Variants in TNS1 observed in about 807,000 individuals in gnomAD.
TNS1 encodes the protein tensin 1.
In TNS1, 62 loss-of-function variants were observed where a neutral mutation model predicts 168.6. The ratio of observed to expected loss-of-function variants is 0.37; its 90% CI spans 0.30 to 0.45. The LOEUF (loss-of-function observed/expected upper bound fraction) is 0.45. TNS1 is among the 20% of genes least tolerant of loss of function. The pLI is 1.00. For missense variants in TNS1, 2,240 were observed against 2,339.4 expected (o/e 0.96, Z 0.88); for synonymous variants, 934 against 933.2 (o/e 1.00, Z -0.02).
intron 2 of TNS1, among the ~76,000 whole-genome samples, chr2:217,988,308 C>T (rs1958253555): frequency 6.6e-6 from 1 of 152,210 alleles, no homozygotes; most frequent in Admixed American, 6.5e-5. Flanking sequence ...GCCTTCTGTT[C>T]ACATGGGGTC....
intron 19 of TNS1, among the ~76,000 whole-genome samples, chr2:217,837,210 G>A (rs756208512): frequency 2.6e-5 from 4 of 152,162 alleles, no homozygotes; most frequent in Non-Finnish European, 2.9e-5. Flanking sequence ...GGGTCAGCGT[G>A]TGTGCACACA....
intron 3 of TNS1, among the ~76,000 whole-genome samples, chr2:217,934,030 CCAACAAGAGATT>C (rs2125913916): frequency 6.6e-6 from 1 of 152,302 alleles, no homozygotes; most frequent in East Asian, 1.9e-4. Flanking sequence ...TTTAATCCTT[CCAACAAGAGATT>C]CAACAAGCAG....
At position 217,803,495 on chromosome 2, in the gene TNS1, A is replaced by G. The variant is rs1937801826; in HGVS notation, c.*964T>C. 1 of 152,574 alleles carries G rather than the reference A, an allele frequency of 6.6e-6. No homozygotes were observed. Among genetic ancestry groups the G allele is most frequent in the African/African-American group, 2.4e-5 (1 of 41,458 alleles). 9.5% of individuals were successfully genotyped at this position (152,574 alleles called of 1,614,324 possible). A position where few individuals can be genotyped will look rare whatever the true frequency, so the allele number is the denominator to read the frequency against. On this transcript the variant is annotated 3_prime_UTR_variant, in exon 33 of 33. Transcript: ENST00000682258. ...CCTTGGGGAAGACACCCCGAGCTCAACAGCTGCCTGTTCTGACAGATCTCT... is the reference window on the plus strand; with the variant it reads ...CCTTGGGGAAGACACCCCGAGCTCAGCAGCTGCCTGTTCTGACAGATCTCT...
chr2:217,818,392 G>A lies in TNS1; in HGVS notation c.3940C>T (p.Pro1314Ser). The A allele has an allele frequency of 2.5e-6, 4 of 1,614,172 alleles. No individual in the cohort carries two copies. The highest frequency in any genetic ancestry group is 3.4e-6 in the Non-Finnish European group (4 of 1,180,030). The change falls in exon 24 of 33, where the codon CCC becomes TCC. Residue 1314 changes from proline (P) to serine (S), a missense_variant. Pro to Ser is a moderately conservative substitution (Grantham distance 74, BLOSUM62 -1). Transcript: ENST00000682258. ...ATCATCTGGTGATGGCTCAAACTGG[G>A]ACTGCTGGGGGCAGCCATGCTGGGA... Reference protein sequence around the residue: ...INPSMAAPSSPSLSHHQMMGP... With the variant: ...INPSMAAPSSSSLSHHQMMGP...
intron 8 of TNS1, among the ~76,000 whole-genome samples, chr2:217,896,890 T>C (rs1212465218): frequency 6.6e-6 from 1 of 152,260 alleles, no homozygotes; most frequent in Non-Finnish European, 1.5e-5. Context: ...TAATACAATA[T>C]AAACGCTCTG....
intron 18 of TNS1, among the ~76,000 whole-genome samples, chr2:217,854,516 G>A (rs566969985): frequency 1.1e-4 from 16 of 152,264 alleles, no homozygotes; most frequent in African/African-American, 3.1e-4. Flanking sequence ...ACCACCCAAC[G>A]TGGGGGAAAA....
In TNS1 at chr2:217,836,033, A is replaced by G; in HGVS notation, c.3186T>C (p.Pro1062=). Reference sequence around the variant, plus strand: ...GACTCACCTCTTTGGGCCGCCCTCCAGGATTGAGAGCGATGGTAAGAGCCA... The same window carrying G: ...GACTCACCTCTTTGGGCCGCCCTCCGGGATTGAGAGCGATGGTAAGAGCCA... ...PELALTIALN[P]GGRPKEPHLH... Residue 1062 remains proline, a synonymous_variant, in exon 20 of 33, where the codon CCT becomes CCC. Transcript: ENST00000682258. 1 of 1,613,696 alleles carries G rather than the reference A, an allele frequency of 6.2e-7. No individual in the cohort carries two copies. The highest frequency in any genetic ancestry group is 8.5e-7 in the Non-Finnish European group (1 of 1,179,674).
intron 1 of TNS1, among the ~76,000 whole-genome samples, chr2:217,993,420 A>G (rs892182997): frequency 1.3e-5 from 2 of 152,226 alleles, no homozygotes; most frequent in Non-Finnish European, 2.9e-5. Flanking sequence ...CGGTAATGGG[A>G]TGATGAAGCC....
intron 8 of TNS1, 37 bp downstream of exon 8, chr2:217,897,761 A>T: frequency 6.6e-7 from 1 of 1,519,532 alleles, no homozygotes; most frequent in Non-Finnish European, 8.8e-7. Flanking sequence ...GGAAGCATAG[A>T]GGGCACAGGA....
At chr2:218,005,576 C>T (rs188189012), upstream of TNS1, among the ~76,000 whole-genome samples, 5 of 152,350 alleles carry the variant, frequency 3.3e-5, no homozygotes, top group African/African-American at 1.2e-4. Context: ...CTGTTCCAGG[C>T]TTGTCAGCCT....
At chr2:217,895,704 C>A (rs1182295151) in intron 8 of TNS1, among the ~76,000 whole-genome samples, 1 of 152,186 alleles carries the variant, frequency 6.6e-6, no homozygotes, top group African/African-American at 2.4e-5. Flanking sequence ...AACGCCTGAC[C>A]ACTGGGGTCC....
At chr2:217,822,784 C>T (rs1943071125) in intron 22 of TNS1, among the ~76,000 whole-genome samples, 1 of 152,204 alleles carries the variant, frequency 6.6e-6, no homozygotes, top group African/African-American at 2.4e-5. Flanking sequence ...GATGGCCCGA[C>T]TCCCAGACCG....
intron 18 of TNS1, among the ~76,000 whole-genome samples, chr2:217,868,586 T>C (rs1224364019): frequency 6.6e-6 from 1 of 152,230 alleles, no homozygotes; most frequent in East Asian, 1.9e-4. Context: ...TGACTTCCTG[T>C]ATAACAGTCG....
chr2:217,834,392 G>C (rs1559195505), intron 21 of TNS1, among the ~76,000 whole-genome samples: 1 of 152,312 alleles, frequency 6.6e-6, no homozygotes, highest in Non-Finnish European at 1.5e-5. Flanking sequence ...TGAGTCCCTC[G>C]TGGCCTGGTA....
At chr2:217,814,189 T>C (rs1941486465) in intron 25 of TNS1, among the ~76,000 whole-genome samples, 1 of 152,156 alleles carries the variant, frequency 6.6e-6, no homozygotes. Flanking sequence ...ATTTTCTTTT[T>C]GTTTTTTGTA....
chr2:217,996,508 C>A (rs185972918), intron 1 of TNS1, among the ~76,000 whole-genome samples: 144 of 152,276 alleles, frequency 9.5e-4, no homozygotes, highest in Non-Finnish European at 1.7e-3. Context: ...AATCCCCCAC[C>A]CCCATGCCCT....
rs144270450 is a variant in TNS1, at chr2:217,823,526, T to C, written c.3374-1588A>G. On this transcript the variant is annotated intron_variant, in intron 22 of 32. Coordinates refer to ENST00000682258, the MANE Select transcript of TNS1 (RefSeq NM_001387777.1). ...GGGGCATGGCCTCCGTGGAGTGGCTTCTGGGGTGGCCCTCAGGTCTGACAT... is the reference window on the plus strand; with the variant it reads ...GGGGCATGGCCTCCGTGGAGTGGCTCCTGGGGTGGCCCTCAGGTCTGACAT... 3.4e-3 allele frequency among the ~76,000 whole-genome samples: 513 copies of C among 152,302 alleles called. 5 individuals are homozygous for C. The highest frequency in any genetic ancestry group is 0.023 in the East Asian group (119 of 5,180).
chr2:217,977,265 G>A (rs1036108166), intron 3 of TNS1, among the ~76,000 whole-genome samples: 5 of 152,174 alleles, frequency 3.3e-5, no homozygotes, highest in African/African-American at 9.7e-5. Context: ...AGGAGAAGCA[G>A]AAACGTACTC....
rs572336122 is a variant in TNS1 at position 217,831,409 on chromosome 2, C to G, written c.3373+46G>C. 22 of 1,493,296 alleles carry G rather than the reference C, an allele frequency of 1.5e-5. No homozygotes were observed. The South Asian group carries it at 2.7e-4, about 18-fold the overall frequency. The allele number at this position is 1,493,296 out of a possible 1,614,324, so 92.5% of individuals were successfully genotyped here. ...GTTTCTGTCCAGAACCACAGGAGTC[C>G]TCCTCCCCCTGGCCCCCCTCCCCAT... On this transcript the variant is annotated intron_variant, in intron 22 of 32. Coordinates refer to ENST00000682258, the MANE Select transcript of TNS1 (RefSeq NM_001387777.1).
Sources: gnomAD v4.1 joint callset for allele counts (sites outside exome capture counted in the v4.1 genomes callset) on GRCh38, gnomAD v4.1.1 for gene constraint, MANE v1.5 for transcripts, NCBI Gene and HGNC (gene_info 2026-07-23, HGNC 2026-07-21) for gene names.